NOTCH2NLR: variants seen among roughly 807,000 people sequenced by gnomAD.
NOTCH2NLR encodes notch 2 N-terminal like R (pseudogene).
In NOTCH2NLR, 33 loss-of-function variants were observed where a neutral mutation model predicts 35.6. The ratio of observed to expected loss-of-function variants is 0.93; its 90% CI spans 0.70 to 1.24. The LOEUF is 1.24. Ranked by LOEUF, NOTCH2NLR falls within the 50% of genes most tolerant of loss-of-function variation. The pLI, the probability that NOTCH2NLR is intolerant of heterozygous loss-of-function variation, is 0.00. For synonymous variants in NOTCH2NLR, 103 were observed against 141.0 expected (o/e 0.73, Z 1.91); for missense variants, 276 against 362.2 (o/e 0.76, Z 1.93).
At chr1:120,767,754 A>C (rs1651209850) in intron 2 of NOTCH2NLR, among the ~76,000 whole-genome samples, 1 of 115,548 alleles carries the variant, frequency 8.7e-6, no homozygotes, top group South Asian at 2.5e-4. Flanking sequence ...CAGACTTTCA[A>C]ATATAAACCA....
chr1:120,790,404 G>A (rs1239030998), intron 3 of NOTCH2NLR, among the ~76,000 whole-genome samples: 3 of 115,526 alleles, frequency 2.6e-5, no homozygotes. Flanking sequence ...TTTTGTGATA[G>A]CACTATACCT....
Position 120,729,033 on chromosome 1 carries a change from G to T in NOTCH2NLR, c.73+4783G>T, listed in dbSNP as rs1243063348. 5.2e-5 allele frequency among the ~76,000 whole-genome samples: 6 copies of T among 116,062 alleles called. 2 individuals carry two copies. The highest frequency in any genetic ancestry group is 3.1e-4 in the African/African-American group (6 of 19,378). The allele number at this position is 116,062 out of a possible 152,430, so 76.1% of individuals were successfully genotyped here. On this transcript the variant is annotated intron_variant, in intron 1 of 4. Transcript: ENST00000624419. Reference sequence around the variant, plus strand: ...CAAATTCAGAGTCAACTGAGTGGCAGGTCTTAGTCACAGCATCTATGACTC... The same window carrying T: ...CAAATTCAGAGTCAACTGAGTGGCATGTCTTAGTCACAGCATCTATGACTC...
At chr1:120,759,676 A>G (rs1472908006) in intron 1 of NOTCH2NLR, among the ~76,000 whole-genome samples, 77,385 of 98,926 alleles carry the variant, frequency 0.78, 34,198 homozygotes, top group African/African-American at 0.87. Context: ...GTAAAGCCAC[A>G]AGTCTCAAGA....
chr1:120,728,941 C>T (rs1158141661), intron 1 of NOTCH2NLR, among the ~76,000 whole-genome samples: 6 of 112,504 alleles, frequency 5.3e-5, no homozygotes, highest in Non-Finnish European at 1.0e-4. Context: ...GATTTTGATC[C>T]TTGAGGGCCA....
chr1:120,778,309 G>C lies in NOTCH2NLR; in HGVS notation c.156-6665G>C, dbSNP rs1391904081. ...GCAGGCTGCCACTGCGGATTGGGGG[G>C]CCAAGAGGCCCAGCGCAAGAAGAAA... On this transcript the variant is annotated intron_variant, in intron 2 of 4. Transcript: ENST00000624419. Among the ~76,000 whole-genome samples the C allele has an allele frequency of 2.8e-5, 2 of 70,530 alleles. 1 individual carries two copies. Among genetic ancestry groups the C allele is most frequent in the Non-Finnish European group, 4.8e-5 (2 of 41,710 alleles). 46.3% of individuals were successfully genotyped at this position (70,530 alleles called of 152,430 possible). A position where few individuals can be genotyped will look rare whatever the true frequency, so the allele number is the denominator to read the frequency against.
exon 1 of NOTCH2NLR, chr1:120,724,047 G>T: frequency 7.9e-7 from 1 of 1,271,672 alleles, no homozygotes; most frequent in Non-Finnish European, 1.0e-6. Context: ...GTAGCGCCAG[G>T]GCCTGAGCCT....
At chr1:120,779,341 A>G (rs1480673401) in intron 2 of NOTCH2NLR, among the ~76,000 whole-genome samples, 1 of 79,546 alleles carries the variant, frequency 1.3e-5, no homozygotes, top group Non-Finnish European at 2.3e-5. Context: ...AAAAAGTCAT[A>G]AATACATCTT....
rs1435454046 is a variant in NOTCH2NLR, at chr1:120,763,743, G to A, written c.155+34G>A. The A allele has an allele frequency of 1.5e-4, 127 of 862,292 alleles. 22 individuals carry two copies. Among genetic ancestry groups the A allele is most frequent in the Admixed American group, 4.7e-4 (23 of 48,878 alleles). 53.4% of individuals were successfully genotyped at this position (862,292 alleles called of 1,614,324 possible). On this transcript the variant is annotated intron_variant, in intron 2 of 4. Transcript: ENST00000624419. Reference sequence around the variant, plus strand: ...TTCTCTTCATATATTTTCTTTTTGCGATAGAACACTGGACAAGATTTGATT... The same window carrying A: ...TTCTCTTCATATATTTTCTTTTTGCAATAGAACACTGGACAAGATTTGATT...
chr1:120,773,832 TA>T (rs1245316690), intron 2 of NOTCH2NLR, among the ~76,000 whole-genome samples: 1 of 118,534 alleles, frequency 8.4e-6, no homozygotes, highest in African/African-American at 3.8e-5. Flanking sequence ...TGGATTGGGA[TA>T]GGGGAAGTGA....
At chr1:120,755,932 GCT>G (rs1651075301) in intron 1 of NOTCH2NLR, among the ~76,000 whole-genome samples, 1 of 90,062 alleles carries the variant, frequency 1.1e-5, no homozygotes, top group African/African-American at 7.6e-5. Context: ...ATCTCTTATT[GCT>G]TTTTTTTTTT....
chr1:120,764,269 TA>T (rs1360663412), intron 2 of NOTCH2NLR, among the ~76,000 whole-genome samples: 1 of 107,266 alleles, frequency 9.3e-6, no homozygotes, highest in Non-Finnish European at 1.7e-5. Context: ...AAAAAATATA[TA>T]AAAAAATATA....
intron 2 of NOTCH2NLR, among the ~76,000 whole-genome samples, chr1:120,770,178 G>GA (rs1651246186): frequency 1.1e-5 from 1 of 93,596 alleles, no homozygotes; most frequent in Non-Finnish European, 2.0e-5. Flanking sequence ...TTTTGTTGTT[G>GA]TTTTTTTTTG....
chr1:120,785,100 A>C, exon 3 of NOTCH2NLR: 1 of 1,446,202 alleles, frequency 6.9e-7, no homozygotes, highest in Non-Finnish European at 9.2e-7. Context: ...GGTGTGCCTC[A>C]GGGTTTACAG....
chr1:120,784,840 T>C, intron 2 of NOTCH2NLR, 134 bp from the exon 3 acceptor site: 2 of 1,002,568 alleles, frequency 2.0e-6, no homozygotes, highest in Non-Finnish European at 2.8e-6. Flanking sequence ...AGGGAAGCAG[T>C]TTTATAGGTG....
Position 120,724,202 on chromosome 1 carries a change from C to T in NOTCH2NLR, c.25C>T (p.Leu9=). 4 of 1,404,964 alleles carry T rather than the reference C, an allele frequency of 2.8e-6. 1 individual carries two copies. The Admixed American group carries it at 8.2e-5, about 29-fold the overall frequency. The allele number at this position is 1,404,964 out of a possible 1,614,324, so 87.0% of individuals were successfully genotyped here. ...GATGCCCGCCCTGCGTCCCGCTCTG[C>T]TGTGGGCGCTGCTGGCGCTCTGGCT... Residue 9 remains leucine (L), a synonymous_variant, in exon 1 of 5, where the codon CTG becomes TTG. Coordinates refer to ENST00000624419, the Ensembl canonical transcript of NOTCH2NLR.
chr1:120,767,846 T>G (rs1264595099), intron 2 of NOTCH2NLR, among the ~76,000 whole-genome samples: 1 of 111,930 alleles, frequency 8.9e-6, no homozygotes, highest in Non-Finnish European at 1.7e-5. Flanking sequence ...ATGATTTGTA[T>G]AATTGACAAA....
chr1:120,723,977 C>A lies in NOTCH2NLR; in HGVS notation c.-201C>A, dbSNP rs1405185759. 2.7e-4 allele frequency: 308 copies of A among 1,147,564 alleles called. 31 individuals are homozygous for A. The East Asian group carries it at 9.4e-3, about 35-fold the overall frequency. 71.1% of individuals were successfully genotyped at this position (1,147,564 alleles called of 1,614,324 possible). On this transcript the variant is annotated 5_prime_UTR_variant, in exon 1 of 5. Coordinates refer to ENST00000624419, the Ensembl canonical transcript of NOTCH2NLR. ...CTTCCGGCGGCGGCTGAGGCGGCGG[C>A]CGAGGAGCGGCGGACTCGGGGCGCG... is the stretch of plus-strand genomic sequence containing the variant.
At position 120,765,176 on chromosome 1, in the gene NOTCH2NLR, CAT is replaced by C. The variant is rs1438539701; in HGVS notation, c.155+1468_155+1469del. On this transcript the variant is annotated intron_variant, in intron 2 of 4. Coordinates refer to ENST00000624419, the Ensembl canonical transcript of NOTCH2NLR. Reference sequence around the variant, plus strand: ...TTTTCTAGCTGGGGGAAAAAAAAAACATGTGGTGCATTCTCCTCTAAGAATGG... The same window carrying C: ...TTTTCTAGCTGGGGGAAAAAAAAAACGTGGTGCATTCTCCTCTAAGAATGG... Among the ~76,000 whole-genome samples, 18 of 119,978 alleles carry C rather than the reference CAT, an allele frequency of 1.5e-4. 3 individuals are homozygous for C. Among genetic ancestry groups the C allele is most frequent in the South Asian group, 7.5e-4 (3 of 4,020 alleles). 78.7% of individuals were successfully genotyped at this position (119,978 alleles called of 152,430 possible). A position where few individuals can be genotyped will look rare whatever the true frequency, so the allele number is the denominator to read the frequency against.
intron 1 of NOTCH2NLR, among the ~76,000 whole-genome samples, chr1:120,750,041 ATGT>A (rs1651006139): frequency 1.6e-5 from 1 of 62,056 alleles, no homozygotes; most frequent in Non-Finnish European, 2.7e-5. Context: ...CTACCTGAGA[ATGT>A]TGTAGTCACA....
Sources: gnomAD v4.1 joint callset for allele counts (sites outside exome capture counted in the v4.1 genomes callset) on GRCh38, gnomAD v4.1.1 for gene constraint, MANE v1.5 for transcripts, NCBI Gene and HGNC (gene_info 2026-07-23, HGNC 2026-07-21) for gene names.